The following MYL5 variants were observed in gnomAD, a reference collection of about 807,000 sequenced individuals.
The protein encoded by MYL5 is myosin light chain 5.
In MYL5, 28 loss-of-function variants were observed where a neutral mutation model predicts 20.8. That is an observed-to-expected ratio of 1.35 (90% CI 1.00 to 1.84). The LOEUF (loss-of-function observed/expected upper bound fraction) is 1.84, where lower values mean the gene tolerates loss of function less well. MYL5 is among the 40% of genes most tolerant of loss of function. MYL5 has a pLI of 0.00. For missense variants in MYL5, 274 were observed against 227.3 expected (o/e 1.21, Z -1.32); for synonymous variants, 118 against 87.4 (o/e 1.35, Z -1.95).
upstream of MYL5, among the ~76,000 whole-genome samples, chr4:676,634 A>G (rs1738866887): frequency 6.6e-6 from 1 of 152,122 alleles, no homozygotes; most frequent in African/African-American, 2.4e-5. Context: ...GGGGCTCTGC[A>G]GCCCTTCTCA....
chr4:679,271 G>GCCCTGAAGCTGCGAGGGGA, intron 3 of MYL5: 1 of 631,766 alleles, frequency 1.6e-6, no homozygotes, highest in Non-Finnish European at 2.8e-6. Flanking sequence ...GAAACTCAGA[G>GCCCTGAAGCTGCGAGGGGA]TGGGCTTTGA....
chr4:680,689 C>G, intron 5 of MYL5, 102 bp downstream of exon 7: 1 of 1,220,200 alleles, frequency 8.2e-7, no homozygotes, highest in Non-Finnish European at 1.2e-6. Context: ...ACGCCCACCT[C>G]CCCACCTCTG....
intron 2 of MYL5, 80 bp downstream of exon 4, chr4:678,845 G>A (rs1739128725): frequency 1.2e-6 from 2 of 1,607,560 alleles, no homozygotes; most frequent in Admixed American, 3.4e-5. Context: ...TGGCTCCAGG[G>A]CCAGCAGGAG....
intron 3 of MYL5, 152 bp downstream of exon 5, chr4:679,185 G>A: frequency 1.3e-6 from 1 of 793,276 alleles, no homozygotes; most frequent in Non-Finnish European, 2.2e-6. Context: ...TGATGGCCCT[G>A]GCCGCCCTTG....
chr4:677,907 A>G, upstream of MYL5: 11 of 1,563,694 alleles, frequency 7.0e-6, no homozygotes, highest in Non-Finnish European at 9.7e-6. Context: ...GGTAGCCCCA[A>G]GCCTGTCCTT....
At chr4:680,052 G>C (rs1371501043) in intron 4 of MYL5, 34 bp downstream of exon 6, 2 of 1,505,644 alleles carry the variant, frequency 1.3e-6, no homozygotes, top group Non-Finnish European at 1.8e-6. Flanking sequence ...GGCCCTCCTA[G>C]CTAATTCCTA....
Position 680,597 on chromosome 4 carries a change from C to CGGGCGGCCA in MYL5, c.371+19_371+27dup, listed in dbSNP as rs1553822802. On this transcript the variant is annotated intron_variant, in intron 5 of 6. Coordinates refer to ENST00000400159, the Ensembl canonical transcript of MYL5. ...AAATCAACAAGGAGTAGTGAGTGCCCGGGCGGCCAGGGCGGCCCGGCTTCC... is the reference window on the plus strand; with the variant it reads ...AAATCAACAAGGAGTAGTGAGTGCCCGGGCGGCCAGGGCGGCCAGGGCGGCCCGGCTTCC... 6.2e-7 allele frequency: 1 copy of CGGGCGGCCA among 1,612,640 alleles called. No homozygotes were observed. Among genetic ancestry groups the CGGGCGGCCA allele is most frequent in the African/African-American group, 1.3e-5 (1 of 74,978 alleles).
chr4:679,981 C>G, exon 4 of MYL5: 3 of 1,613,600 alleles, frequency 1.9e-6, no homozygotes, highest in Non-Finnish European at 2.5e-6. Context: ...CCATCAACTT[C>G]ACCATGTTTC....
rs754671015 is a variant in MYL5, at chr4:680,001, T to C, written c.275T>C (p.Phe92Ser). 8 of 1,613,062 alleles carry C rather than the reference T, an allele frequency of 5.0e-6. 1 individual carries two copies. The highest frequency in any genetic ancestry group is 4.5e-5 in the East Asian group (2 of 44,874). ...AACTTCACCATGTTTCTGAACCTGT[T>C]TGGGGAGAAGCTGAGCGGTGAGCAC... Residue 92 changes from phenylalanine (F) to serine (S), a missense_variant, in exon 4 of 7, where the codon TTT becomes TCT. Phe to Ser is a radical substitution (Grantham distance 155, BLOSUM62 -2). Transcript: ENST00000400159.
At chr4:681,958 C>G in exon 7 of MYL5, 2 of 1,369,628 alleles carry the variant, frequency 1.5e-6, no homozygotes, top group Non-Finnish European at 9.5e-7. Context: ...AGGCGCTCAG[C>G]TACGTGATCA....
chr4:677,863 C>T (rs1739003005), upstream of MYL5: 4 of 1,230,142 alleles, frequency 3.3e-6, no homozygotes, highest in Admixed American at 5.2e-5. Context: ...TGCCAGGCTG[C>T]CAAAGCTCAC....
upstream of MYL5, chr4:674,565 C>T (rs957899740): frequency 4.5e-6 from 2 of 441,824 alleles, no homozygotes; most frequent in Non-Finnish European, 8.1e-6. Context: ...GCTGGGGGTC[C>T]GCTGTTTCCC....
chr4:677,062 G>C, upstream of MYL5: 1 of 346,680 alleles, frequency 2.9e-6, no homozygotes, highest in Non-Finnish European at 4.1e-6. Flanking sequence ...CCCACCTGCT[G>C]TTGTGGCTGC....
At chr4:679,868 G>T in intron 3 of MYL5, 46 bp from the exon 6 acceptor site, 1 of 1,554,638 alleles carries the variant, frequency 6.4e-7, no homozygotes, top group South Asian at 1.1e-5. Context: ...GGTGGCACAG[G>T]GCAGGCAACA....
chr4:678,180 G>T (rs953989827), intron 1 of MYL5, 151 bp downstream of exon 3: 1 of 1,537,464 alleles, frequency 6.5e-7, no homozygotes, highest in African/African-American at 1.4e-5. Flanking sequence ...GTGTGTGCAT[G>T]AGCGTGTGTA....
chr4:681,658 C>T (rs1371592503), intron 6 of MYL5, among the ~76,000 whole-genome samples: 1 of 48,776 alleles, frequency 2.1e-5, no homozygotes, highest in Non-Finnish European at 4.2e-5. Context: ...CCCTCCAGCG[C>T]CGCCCCGCCC....
At chr4:678,510 G>T in intron 1 of MYL5, 148 bp from the exon 4 acceptor site, 5 of 1,445,470 alleles carry the variant, frequency 3.5e-6, no homozygotes, top group Non-Finnish European at 3.6e-6. Context: ...CAGGCCTGAG[G>T]CTGGCATGCT....
chr4:682,023 C>G lies in MYL5; in HGVS notation c.*29C>G, dbSNP rs202097240. On this transcript the variant is annotated 3_prime_UTR_variant, in exon 7 of 7. Transcript: ENST00000400159. ...CCAGCCGGGTCAATAAACCTGGACGCTTGGACCCTGCCTGCGAGTCTGCCG... is the reference window on the plus strand; with the variant it reads ...CCAGCCGGGTCAATAAACCTGGACGGTTGGACCCTGCCTGCGAGTCTGCCG... 2.1e-6 allele frequency: 3 copies of G among 1,430,518 alleles called. No individual in the cohort carries two copies. The African/African-American group carries it at 4.4e-5, about 21-fold the overall frequency. 88.6% of individuals were successfully genotyped at this position (1,430,518 alleles called of 1,614,324 possible).
rs545981600 is a variant in MYL5, at chr4:680,601, C to T, written c.371+14C>T. 4.3e-5 allele frequency: 69 copies of T among 1,608,962 alleles called. No homozygotes were observed. Among genetic ancestry groups the T allele is most frequent in the South Asian group, 1.8e-4 (16 of 91,034 alleles). On this transcript the variant is annotated intron_variant, in intron 5 of 6. Transcript: ENST00000400159. ...CAACAAGGAGTAGTGAGTGCCCGGGCGGCCAGGGCGGCCCGGCTTCCGGGG... is the reference window on the plus strand; with the variant it reads ...CAACAAGGAGTAGTGAGTGCCCGGGTGGCCAGGGCGGCCCGGCTTCCGGGG...
Sources: allele counts gnomAD v4.1 joint callset (sites outside exome capture counted in the v4.1 genomes callset), GRCh38; gene constraint gnomAD v4.1.1; transcripts MANE v1.5; gene names NCBI Gene and HGNC (gene_info 2026-07-23, HGNC 2026-07-21).